TMPRSS11B: variants seen among roughly 807,000 people sequenced by gnomAD.
TMPRSS11B encodes the protein transmembrane protease serine 11B.
Under a neutral mutation model 44.7 loss-of-function variants are expected in TMPRSS11B, and 53 were observed. The observed-to-expected ratio is 1.19, with a 90% CI of 0.95 to 1.49. The LOEUF is 1.49. TMPRSS11B is among the 40% of genes most tolerant of loss of function. The pLI, the probability that TMPRSS11B is intolerant of heterozygous loss-of-function variation, is 0.00. For synonymous variants in TMPRSS11B, 140 were observed against 159.2 expected, an observed-to-expected ratio of 0.88 and a Z score of 0.91; for missense variants, 526 against 494.8, an observed-to-expected ratio of 1.06 and a Z score of -0.60.
intron 7 of TMPRSS11B, among the ~76,000 whole-genome samples, chr4:68,230,680 T>C (rs749858235): frequency 8.5e-5 from 13 of 152,138 alleles, no homozygotes; most frequent in Admixed American, 2.0e-4. Flanking sequence ...GGTGCGTGCC[T>C]GTAATCCCAG....
chr4:68,234,749 T>C (rs1719616027), intron 4 of TMPRSS11B, 126 bp from the exon 5 acceptor site: 1 of 945,732 alleles, frequency 1.1e-6, no homozygotes, highest in Non-Finnish European at 1.6e-6. Flanking sequence ...AATATACATA[T>C]ACTATCTAAG....
intron 9 of TMPRSS11B, among the ~76,000 whole-genome samples, 174 bp downstream of exon 9, chr4:68,228,568 C>T (rs545771633): frequency 3.9e-5 from 6 of 152,302 alleles, no homozygotes; most frequent in Non-Finnish European, 7.4e-5. Flanking sequence ...TTCACCTCCA[C>T]GTCCCTAGCA....
At chr4:68,233,542 T>TA (rs1719578669) in intron 5 of TMPRSS11B, among the ~76,000 whole-genome samples, 1 of 152,134 alleles carries the variant, frequency 6.6e-6, no homozygotes, top group Admixed American at 6.5e-5. Flanking sequence ...GAGGGATAGA[T>TA]TGTTTACTCT....
chr4:68,235,059 T>C (rs1020481864), intron 4 of TMPRSS11B, among the ~76,000 whole-genome samples: 1 of 152,216 alleles, frequency 6.6e-6, no homozygotes, highest in Non-Finnish European at 1.5e-5. Context: ...AAGCCAGTGC[T>C]AACCTTCTTC....
chr4:68,240,518 A>C (rs1043768475), intron 2 of TMPRSS11B, among the ~76,000 whole-genome samples: 8 of 152,100 alleles, frequency 5.3e-5, no homozygotes, highest in Admixed American at 3.3e-4. Context: ...TTCCATTAAG[A>C]CCTTGCTTCC....
chr4:68,239,606 G>A (rs560411218), intron 2 of TMPRSS11B, among the ~76,000 whole-genome samples: 55 of 152,184 alleles, frequency 3.6e-4, no homozygotes, highest in Non-Finnish European at 5.6e-4. Context: ...CAGTTTTACA[G>A]ACATAGCAAC....
At chr4:68,233,354 T>G (rs915253828) in intron 5 of TMPRSS11B, among the ~76,000 whole-genome samples, 1 of 152,208 alleles carries the variant, frequency 6.6e-6, no homozygotes, top group Non-Finnish European at 1.5e-5. Flanking sequence ...GGATTAATTG[T>G]CTGGCTGGAA....
chr4:68,234,134 C>T (rs183153161), intron 5 of TMPRSS11B, among the ~76,000 whole-genome samples: 1,665 of 151,900 alleles, frequency 0.011, 16 homozygotes, highest in Non-Finnish European at 0.019. Context: ...GCACTCCAGC[C>T]TGGGCAACAG....
chr4:68,228,177 C>T, intron 9 of TMPRSS11B, 105 bp from the exon 10 acceptor site: 1 of 1,049,314 alleles, frequency 9.5e-7, no homozygotes, highest in East Asian at 2.7e-5. Flanking sequence ...CCAATTCACT[C>T]TCTTTGGGCT....
In TMPRSS11B at chr4:68,232,120, TATG is replaced by T. The variant is rs1719532907; in HGVS notation, c.508+255_508+257del. 4 of 260,724 alleles carry T rather than the reference TATG, an allele frequency of 1.5e-5. No individual in the cohort carries two copies. The Admixed American group carries it at 1.6e-4, about 10-fold the overall frequency. The allele number at this position is 260,724 out of a possible 1,614,324, so 16.2% of individuals were successfully genotyped here. ...TCTTTCTCATTTTAACATATTCAAATATGATATTTTTCACTCACAGTTTTATTA... is the reference window on the plus strand; with the variant it reads ...TCTTTCTCATTTTAACATATTCAAATATATTTTTCACTCACAGTTTTATTA... On this transcript the variant is annotated intron_variant, in intron 6 of 9. Transcript: ENST00000332644.
At chr4:68,228,219 A>G (rs1040854790) in intron 9 of TMPRSS11B, 147 bp from the exon 10 acceptor site, 4 of 724,660 alleles carry the variant, frequency 5.5e-6, no homozygotes, top group Non-Finnish European at 6.4e-6. Context: ...ACTTTTTTTT[A>G]AAACACAAGA....
At chr4:68,236,326 G>A (rs924024244) in intron 2 of TMPRSS11B, 60 bp from the exon 3 acceptor site, 12 of 1,016,342 alleles carry the variant, frequency 1.2e-5, no homozygotes, top group African/African-American at 3.3e-5. Context: ...ACTTTAAAGC[G>A]ATTTATACCT....
At chr4:68,242,208 ATATATATAATATTATAT>A (rs1719845919) in intron 1 of TMPRSS11B, among the ~76,000 whole-genome samples, 2 of 41,220 alleles carry the variant, frequency 4.9e-5, no homozygotes, top group South Asian at 1.0e-3. Context: ...ATATAATATA[ATATATATAATATTATAT>A]TATATTATAT....
intron 2 of TMPRSS11B, among the ~76,000 whole-genome samples, chr4:68,239,608 C>T (rs1440377038): frequency 6.6e-6 from 1 of 152,226 alleles, no homozygotes; most frequent in African/African-American, 2.4e-5. Flanking sequence ...GTTTTACAGA[C>T]ATAGCAACAG....
rs201006796 is a variant in TMPRSS11B at position 68,228,847 on chromosome 4, C to A, written c.984G>T (p.Lys328Asn). ...FPVILQEDFL[K>N]IIDNKICNAS... is the part of the protein sequence containing the mutation. ...CATTGCAAATTTTGTTGTCAATAAT[C>A]TTCAAAAAGTCTTCTTGAAGTATCA... is the stretch of plus-strand genomic sequence containing the variant. The change falls in exon 9 of 10, where the codon AAG (lysine) becomes AAT (asparagine). Residue 328 changes from lysine (K) to asparagine (N), a missense_variant. Lys to Asn is a moderately conservative substitution (Grantham distance 94, BLOSUM62 0). Coordinates refer to ENST00000332644, the MANE Select transcript of TMPRSS11B (RefSeq NM_182502.3). 1 of 1,613,674 alleles carries A rather than the reference C, an allele frequency of 6.2e-7. No individual in the cohort carries two copies. Among genetic ancestry groups the A allele is most frequent in the Non-Finnish European group, 8.5e-7 (1 of 1,179,850 alleles).
At chr4:68,245,477 A>C in intron 1 of TMPRSS11B, 74 bp downstream of exon 1, 1 of 1,518,392 alleles carries the variant, frequency 6.6e-7, no homozygotes, top group Admixed American at 1.7e-5. Flanking sequence ...GTCAATTAAC[A>C]AAAAACTAGA....
At position 68,241,766 on chromosome 4, in the gene TMPRSS11B, G is replaced by A. The variant is rs1321994683; in HGVS notation, c.47C>T (p.Thr16Ile). 1 of 1,613,246 alleles carries A rather than the reference G, an allele frequency of 6.2e-7. No individual in the cohort carries two copies. Among genetic ancestry groups the A allele is most frequent in the Non-Finnish European group, 8.5e-7 (1 of 1,179,510 alleles). Reference protein sequence around the residue: ...ISSQRSWPLWTTIFIFLGVAA... With the variant: ...ISSQRSWPLWITIFIFLGVAA... The stretch of plus-strand genomic sequence containing the variant: ...CACTCCAAGAAAAATAAAGATCGTA[G>A]TCCATAGTGGCCAAGATCTTTGGGA... Residue 16 changes from threonine (T) to isoleucine (I), a missense_variant, in exon 2 of 10, where the codon ACT becomes ATT. Thr to Ile is a moderately conservative substitution (Grantham distance 89). Coordinates refer to ENST00000332644, the MANE Select transcript of TMPRSS11B (RefSeq NM_182502.3).
intron 6 of TMPRSS11B, among the ~76,000 whole-genome samples, chr4:68,231,604 A>AT (rs1403812167): frequency 6.6e-6 from 1 of 152,058 alleles, no homozygotes; most frequent in Non-Finnish European, 1.5e-5. Flanking sequence ...TTCAACCACT[A>AT]TTTTTTGTTG....
chr4:68,241,897 A>G (rs1719836215), intron 1 of TMPRSS11B, 93 bp from the exon 2 acceptor site: 1 of 756,356 alleles, frequency 1.3e-6, no homozygotes, highest in Admixed American at 2.0e-5. Flanking sequence ...ATTGTAGTTT[A>G]TACATTAGTC....
Sources: allele counts gnomAD v4.1 joint callset (sites outside exome capture counted in the v4.1 genomes callset), GRCh38; gene constraint gnomAD v4.1.1; transcripts MANE v1.5; gene names NCBI Gene and HGNC (gene_info 2026-07-23, HGNC 2026-07-21).